The following SOX5 variants were observed in gnomAD, a reference collection of about 807,000 sequenced individuals.
SOX5 encodes the protein transcription factor SOX-5.
Under a neutral mutation model 92.0 loss-of-function variants are expected in SOX5, and 9 were observed. That is an observed-to-expected ratio of 0.10 (90% confidence interval 0.06 to 0.17). The LOEUF (loss-of-function observed/expected upper bound fraction) is 0.17. Ranked by LOEUF, SOX5 falls within the 10% of genes least tolerant of loss-of-function variation. The pLI is 1.00. For missense variants in SOX5, 642 were observed against 944.5 expected (o/e 0.68, Z 4.20); for synonymous variants, 344 against 336.3 (o/e 1.02, Z -0.25).
chr12:24,517,397 A>AC (rs1949887012), intron 1 of SOX5, among the ~76,000 whole-genome samples: 1 of 152,198 alleles, frequency 6.6e-6, no homozygotes, highest in African/African-American at 2.4e-5. Context: ...GTCAAAAAGC[A>AC]CGGGAAACAC....
At chr12:23,995,139 T>G (rs942720945) in intron 4 of SOX5, among the ~76,000 whole-genome samples, 4 of 152,162 alleles carry the variant, frequency 2.6e-5, no homozygotes, top group African/African-American at 9.7e-5. Flanking sequence ...CTAACAAGAT[T>G]TGTGAGAGTC....
chr12:24,231,076 A>G (rs1963291212), intron 3 of SOX5, among the ~76,000 whole-genome samples: 1 of 152,202 alleles, frequency 6.6e-6, no homozygotes. Context: ...AAGAAATAAG[A>G]GAAGCAACAA....
intron 4 of SOX5, among the ~76,000 whole-genome samples, chr12:24,212,028 G>A (rs959111346): frequency 6.6e-6 from 1 of 152,166 alleles, no homozygotes; most frequent in Non-Finnish European, 1.5e-5. Context: ...CTTTATCAAA[G>A]TATCATTGAA....
chr12:24,559,372 C>T (rs983637628), intron 1 of SOX5, among the ~76,000 whole-genome samples: 61 of 152,272 alleles, frequency 4.0e-4, no homozygotes, highest in African/African-American at 1.4e-3. Context: ...TGCTGGAAAT[C>T]TAAACAGTAT....
chr12:24,144,224 G>C (rs559614561), intron 4 of SOX5, among the ~76,000 whole-genome samples: 4 of 152,198 alleles, frequency 2.6e-5, no homozygotes, highest in African/African-American at 7.2e-5. Flanking sequence ...GGAAAAGTTA[G>C]ATATAAAATA....
chr12:23,619,337 C>T (rs1303557568), intron 8 of SOX5, among the ~76,000 whole-genome samples: 1 of 152,096 alleles, frequency 6.6e-6, no homozygotes, highest in East Asian at 1.9e-4. Flanking sequence ...ATGTCCATGT[C>T]ATATCTCTTG....
intron 3 of SOX5, among the ~76,000 whole-genome samples, chr12:24,235,652 A>T (rs1333696159): frequency 1.3e-5 from 2 of 152,238 alleles, no homozygotes; most frequent in Non-Finnish European, 2.9e-5. Flanking sequence ...AGTATGCTTT[A>T]TTATATGAAC....
intron 1 of SOX5, among the ~76,000 whole-genome samples, chr12:24,524,674 T>C (rs145469281): frequency 1.4e-4 from 21 of 152,128 alleles, no homozygotes; most frequent in Non-Finnish European, 2.9e-4. Context: ...GGACAAGTAT[T>C]GGTGAGAATA....
chr12:23,866,280 T>C (rs1481165199), intron 2 of SOX5, among the ~76,000 whole-genome samples: 2 of 152,164 alleles, frequency 1.3e-5, no homozygotes, highest in Non-Finnish European at 1.5e-5. Context: ...TGATTTGGGC[T>C]ATGAAAAAAG....
intron 4 of SOX5, among the ~76,000 whole-genome samples, chr12:24,109,600 G>A (rs556608123): frequency 5.9e-5 from 9 of 152,118 alleles, no homozygotes; most frequent in South Asian, 2.1e-4. Flanking sequence ...TGCAAATATC[G>A]AAGCTAGCTG....
chr12:24,008,700 A>G (rs187023310), intron 4 of SOX5, among the ~76,000 whole-genome samples: 1 of 152,272 alleles, frequency 6.6e-6, no homozygotes, highest in East Asian at 1.9e-4. Context: ...ACTTGCAGGT[A>G]AATTCCTATG....
At chr12:24,243,790 T>C (rs1421323329) in intron 3 of SOX5, among the ~76,000 whole-genome samples, 1 of 152,122 alleles carries the variant, frequency 6.6e-6, no homozygotes, top group Non-Finnish European at 1.5e-5. Flanking sequence ...CCAATCCCAG[T>C]GAGTCAAGTC....
intron 2 of SOX5, among the ~76,000 whole-genome samples, chr12:24,346,461 T>TA (rs1181049785): frequency 1.3e-5 from 2 of 151,698 alleles, no homozygotes; most frequent in Non-Finnish European, 2.9e-5. Flanking sequence ...TACTTTTTTT[T>TA]TTTTTTTTGA....
chr12:24,522,510 ATAC>A (rs1229945988), intron 1 of SOX5, among the ~76,000 whole-genome samples: 2 of 152,172 alleles, frequency 1.3e-5, no homozygotes, highest in African/African-American at 4.8e-5. Flanking sequence ...ATGAATACAG[ATAC>A]AAAAATCCTG....
chr12:24,446,650 G>A (rs1941523405), intron 1 of SOX5, among the ~76,000 whole-genome samples: 1 of 152,150 alleles, frequency 6.6e-6, no homozygotes, highest in Non-Finnish European at 1.5e-5. Context: ...TGCAAGTGGG[G>A]GTGATTAGAA....
In SOX5 at chr12:23,772,219, A is replaced by T. The variant is rs1291908732; in HGVS notation, c.482-16495T>A. ...ATCAGGTAGCTGTGAAGACGTTGGCAATTTTTTGATGTCTTCATCTTTGGC... is the reference window on the plus strand; with the variant it reads ...ATCAGGTAGCTGTGAAGACGTTGGCTATTTTTTGATGTCTTCATCTTTGGC... On this transcript the variant is annotated intron_variant, in intron 3 of 14. Coordinates refer to ENST00000451604, the MANE Select transcript of SOX5 (RefSeq NM_006940.6). Among the ~76,000 whole-genome samples, 3 of 152,238 alleles carry T rather than the reference A, an allele frequency of 2.0e-5. No individual in the cohort carries two copies. The East Asian group carries it at 5.8e-4, about 29-fold the overall frequency.
At chr12:24,277,007 A>G (rs1197848556) in intron 3 of SOX5, among the ~76,000 whole-genome samples, 1 of 152,134 alleles carries the variant, frequency 6.6e-6, no homozygotes, top group Non-Finnish European at 1.5e-5. Context: ...GTTTAGAGAC[A>G]TTACCATCAT....
At chr12:23,667,891 C>T (rs544089442) in intron 6 of SOX5, among the ~76,000 whole-genome samples, 31 of 152,138 alleles carry the variant, frequency 2.0e-4, no homozygotes, top group Non-Finnish European at 4.1e-4. Context: ...CGACTAAAAA[C>T]ACATCTCAAA....
chr12:24,556,624 G>C (rs907390686), intron 1 of SOX5, among the ~76,000 whole-genome samples: 4 of 152,156 alleles, frequency 2.6e-5, no homozygotes, highest in African/African-American at 9.7e-5. Context: ...GTTCATATTT[G>C]CTAACAGGAA....
Sources: allele counts gnomAD v4.1 joint callset (sites outside exome capture counted in the v4.1 genomes callset), GRCh38; gene constraint gnomAD v4.1.1; transcripts MANE v1.5; gene names NCBI Gene and HGNC (gene_info 2026-07-23, HGNC 2026-07-21).